The following POR variants were observed in gnomAD, a reference collection of about 807,000 sequenced individuals.
POR encodes cytochrome p450 oxidoreductase.
Under a neutral mutation model 84.0 loss-of-function variants are expected in POR, and 56 were observed. The ratio of observed to expected loss-of-function variants is 0.67; its 90% CI spans 0.54 to 0.83. The LOEUF is 0.83. Ranked by LOEUF, POR falls within the 40% of genes least tolerant of loss-of-function variation. The pLI is 0.00. For missense variants in POR, 938 were observed against 944.3 expected (o/e 0.99, Z 0.09); for synonymous variants, 414 against 400.5 (o/e 1.03, Z -0.40).
At position 75,984,691 on chromosome 7, in the gene POR, C is replaced by T. The variant is rs1184182418; in HGVS notation, c.1067-86C>T. Reference sequence around the variant, plus strand: ...GGGGCACCTGTTGCCGCAGAGCTGGCCCAAGGTGTCACCCCCTCCTGCCGC... The same window carrying T: ...GGGGCACCTGTTGCCGCAGAGCTGGTCCAAGGTGTCACCCCCTCCTGCCGC... On this transcript the variant is annotated intron_variant, in intron 10 of 15. Transcript: ENST00000461988. The T allele has an allele frequency of 1.1e-5, 13 of 1,213,752 alleles. No homozygotes were observed. The East Asian group carries it at 3.0e-4, about 28-fold the overall frequency. 75.2% of individuals were successfully genotyped at this position (1,213,752 alleles called of 1,614,324 possible).
intron 1 of POR, among the ~76,000 whole-genome samples, chr7:75,922,301 A>G (rs1163811322): frequency 2.0e-5 from 3 of 151,718 alleles, no homozygotes; most frequent in Non-Finnish European, 4.4e-5. Context: ...CAGATGTCAA[A>G]ATTGGGTCTG....
chr7:75,935,477 C>T (rs1807622878), intron 1 of POR, among the ~76,000 whole-genome samples: 1 of 151,972 alleles, frequency 6.6e-6, no homozygotes, highest in African/African-American at 2.4e-5. Context: ...GAATCCTGAC[C>T]TCAGGTGATC....
At chr7:75,958,535 A>AGTTT (rs1169929418) in intron 2 of POR, among the ~76,000 whole-genome samples, 15 of 152,202 alleles carry the variant, frequency 9.9e-5, no homozygotes, top group Non-Finnish European at 2.9e-5. Flanking sequence ...GGGATTGCAG[A>AGTTT]GTTTGCCCAA....
intron 5 of POR, 104 bp from the exon 6 acceptor site, chr7:75,980,944 C>A: frequency 1.5e-6 from 2 of 1,374,252 alleles, no homozygotes; most frequent in Non-Finnish European, 1.9e-6. Context: ...CAGGTGTTGC[C>A]AGCAGCTCAG....
intron 5 of POR, chr7:75,980,693 C>G: frequency 6.5e-7 from 1 of 1,530,484 alleles, no homozygotes; most frequent in Non-Finnish European, 8.7e-7. Context: ...CCAGTCGGCT[C>G]CAGGGGGCAT....
At position 75,979,463 on chromosome 7, in the gene POR, A is replaced by C. The variant is rs781966578; in HGVS notation, c.250A>C (p.Ile84Leu). The change falls in exon 4 of 16, where the codon ATC becomes CTC. Residue 84 changes from isoleucine (I) to leucine (L), a missense_variant. Ile to Leu is a conservative substitution (Grantham distance 5). Coordinates refer to ENST00000461988, the MANE Select transcript of POR (RefSeq NM_000941.3). Reference sequence around the variant, plus strand: ...CTGCCTTCCTTAGGGGAGGAACATCATCGTGTTCTACGGCTCCCAGACGGG... The same window carrying C: ...CTGCCTTCCTTAGGGGAGGAACATCCTCGTGTTCTACGGCTCCCAGACGGG... 1.2e-6 allele frequency: 2 copies of C among 1,613,216 alleles called. No homozygotes were observed. Among genetic ancestry groups the C allele is most frequent in the East Asian group, 2.2e-5 (1 of 44,854 alleles).
intron 1 of POR, among the ~76,000 whole-genome samples, chr7:75,922,482 C>T (rs1806928053): frequency 6.6e-6 from 1 of 152,134 alleles, no homozygotes; most frequent in East Asian, 1.9e-4. Flanking sequence ...TGCCATCATG[C>T]CTGGCTAATT....
rs782352991 is a variant in POR at position 75,984,961 on chromosome 7, G to A, written c.1248+3G>A. 1 of 1,589,316 alleles carries A rather than the reference G, an allele frequency of 6.3e-7. No individual in the cohort carries two copies. Among genetic ancestry groups the A allele is most frequent in the Non-Finnish European group, 8.6e-7 (1 of 1,165,898 alleles). ...CCTCCTCCTCCGGCGAGGGCAAGGT[G>A]CGCCCCCTCAGCCCCCGCAACCTCC... is the stretch of plus-strand genomic sequence containing the variant. On this transcript the variant is annotated splice_donor_region_variant and intron_variant, in intron 11 of 15. Coordinates refer to ENST00000461988, the MANE Select transcript of POR (RefSeq NM_000941.3).
Position 75,986,732 on chromosome 7 carries a change from G to C in POR, c.*251G>C, listed in dbSNP as rs374548698. The C allele has an allele frequency of 6.7e-6, 4 of 592,616 alleles. No individual in the cohort carries two copies. The highest frequency in any genetic ancestry group is 2.8e-5 in the East Asian group (1 of 35,766). 36.7% of individuals were successfully genotyped at this position (592,616 alleles called of 1,614,324 possible). On this transcript the variant is annotated 3_prime_UTR_variant, in exon 16 of 16. Transcript: ENST00000461988. The stretch of plus-strand genomic sequence containing the variant: ...ATGCCTCTGGAGGCCTCTGGCCCTC[G>C]GTGGCTGCACAGAAGGGCTCTTTCT...
intron 3 of POR, among the ~76,000 whole-genome samples, chr7:75,978,290 C>T (rs4732513): frequency 0.57 from 86,215 of 152,032 alleles, 25,539 homozygotes; most frequent in South Asian, 0.67. Flanking sequence ...CAACTGCAGA[C>T]TGAAAATATT....
chr7:75,984,783 C>G lies in POR; in HGVS notation c.1073C>G (p.Ser358Cys), dbSNP rs1789303553. The G allele has an allele frequency of 6.2e-7, 1 of 1,612,388 alleles. No homozygotes were observed. Among genetic ancestry groups the G allele is most frequent in the Admixed American group, 1.7e-5 (1 of 59,986 alleles). The change falls in exon 11 of 16, where the codon TCC becomes TGC. Residue 358 changes from serine to cysteine, a missense_variant. Physicochemically the swap from Ser to Cys is moderately radical, Grantham distance 112. Transcript: ENST00000461988. ...GCCTGTCTCTTCCCTGCAGAGGAGT[C>G]CAACAAGAAGCACCCATTCCCGTGC...
At chr7:75,928,454 A>G (rs868968885) in intron 1 of POR, among the ~76,000 whole-genome samples, 3 of 152,202 alleles carry the variant, frequency 2.0e-5, no homozygotes, top group Non-Finnish European at 4.4e-5. Context: ...AACTTCGGGT[A>G]ATGGCCTGTG....
intron 1 of POR, chr7:75,943,886 G>A (rs1554551839): frequency 2.0e-6 from 1 of 502,710 alleles, no homozygotes; most frequent in Admixed American, 2.1e-5. Flanking sequence ...CGTCTCCTGT[G>A]GCTCAGTCTT....
intron 2 of POR, among the ~76,000 whole-genome samples, chr7:75,958,713 C>T (rs1244541878): frequency 1.3e-5 from 2 of 152,074 alleles, no homozygotes; most frequent in African/African-American, 2.4e-5. Flanking sequence ...GGCATGGTGG[C>T]TCACGCCTGT....
intron 2 of POR, among the ~76,000 whole-genome samples, chr7:75,961,490 T>C (rs2868180): frequency 0.41 from 62,429 of 151,946 alleles, 13,795 homozygotes; most frequent in African/African-American, 0.57. Context: ...GCTCCTGGAA[T>C]GCTAGAGTGC....
intron 2 of POR, among the ~76,000 whole-genome samples, chr7:75,955,117 C>T (rs1787629804): frequency 6.6e-6 from 1 of 152,216 alleles, no homozygotes. Context: ...GTCGGGATTA[C>T]AGGCGTGAGC....
chr7:75,957,099 C>T lies in POR; in HGVS notation c.188+2919C>T, dbSNP rs376971300. Among the ~76,000 whole-genome samples the T allele has an allele frequency of 2.4e-3, 361 of 152,304 alleles. 5 individuals are homozygous for T. Among genetic ancestry groups the T allele is most frequent in the Middle Eastern group, 3.4e-3 (1 of 294 alleles). ...TCTAATCAGGGCCTCCTTGCAACAG[C>T]GCCGTGCGTTAGGTAGCGTGGGTTG... is the stretch of plus-strand genomic sequence containing the variant. On this transcript the variant is annotated intron_variant, in intron 2 of 15. Coordinates refer to ENST00000461988, the MANE Select transcript of POR (RefSeq NM_000941.3).
At chr7:75,947,738 C>G (rs1554552305) in intron 1 of POR, among the ~76,000 whole-genome samples, 1 of 152,006 alleles carries the variant, frequency 6.6e-6, no homozygotes, top group South Asian at 2.1e-4. Flanking sequence ...GAAGTGTGTG[C>G]TGGGGAGGGG....
chr7:75,986,060 T>A lies in POR; in HGVS notation c.1807T>A (p.Ser603Thr). The change falls in exon 14 of 16, where the codon TCC becomes ACC. Residue 603 changes from serine (S) to threonine (T), a missense_variant. Coordinates refer to ENST00000461988, the MANE Select transcript of POR (RefSeq NM_000941.3). ...CAACGTGGCCTTCTCCCGGGAGCAG[T>A]CCCACAAGGTGAGACGGGCGGGCAC... The A allele has an allele frequency of 6.4e-7, 1 of 1,561,500 alleles. No individual in the cohort carries two copies. The highest frequency in any genetic ancestry group is 1.2e-5 in the South Asian group (1 of 85,084).
Sources: gnomAD v4.1 joint callset for allele counts (sites outside exome capture counted in the v4.1 genomes callset) on GRCh38, gnomAD v4.1.1 for gene constraint, MANE v1.5 for transcripts, NCBI Gene and HGNC (gene_info 2026-07-23, HGNC 2026-07-21) for gene names.